PDE7B: variants seen among roughly 807,000 people sequenced by gnomAD.
The protein encoded by PDE7B is 3',5'-cyclic-AMP phosphodiesterase 7B.
PDE7B carries 29 observed loss-of-function variants against 56.2 expected under a neutral mutation model. The observed-to-expected ratio is 0.52, with a 90% CI of 0.38 to 0.70. PDE7B has a LOEUF of 0.70. Among genes scored for constraint, PDE7B ranks in the 30% least tolerant of loss-of-function variants. The pLI is 0.00. For synonymous variants in PDE7B, 197 were observed against 196.9 expected (o/e 1.00, Z 0.00); for missense variants, 490 against 565.0 (o/e 0.87, Z 1.35).
At position 136,033,875 on chromosome 6, in the gene PDE7B, C is replaced by T. The variant is rs541812671; in HGVS notation, c.83-74856C>T. ...ATTGCATTTGTAAAAGCAGAGTGGTCGTGTGTGTGCATGTGTGTGTGTGTG... is the reference window on the plus strand; with the variant it reads ...ATTGCATTTGTAAAAGCAGAGTGGTTGTGTGTGTGCATGTGTGTGTGTGTG... On this transcript the variant is annotated intron_variant, in intron 2 of 12. Transcript: ENST00000308191. Among the ~76,000 whole-genome samples, 16 of 132,682 alleles carry T rather than the reference C, an allele frequency of 1.2e-4. No individual in the cohort carries two copies. The South Asian group carries it at 3.3e-3, about 27-fold the overall frequency. The allele number at this position is 132,682 out of a possible 152,430, so 87.0% of individuals were successfully genotyped here.
intron 2 of PDE7B, among the ~76,000 whole-genome samples, chr6:136,053,619 C>T (rs940428662): frequency 1.1e-4 from 16 of 152,142 alleles, no homozygotes; most frequent in African/African-American, 1.7e-4. Flanking sequence ...TTCTAGATCC[C>T]TGAGGAATCA....
At chr6:135,881,085 T>C (rs993226597) in intron 1 of PDE7B, among the ~76,000 whole-genome samples, 1 of 152,138 alleles carries the variant, frequency 6.6e-6, no homozygotes, top group Non-Finnish European at 1.5e-5. Context: ...GTAGGCACCA[T>C]TTGCTTTTAT....
chr6:136,155,320 C>T (rs1490522044), intron 7 of PDE7B, among the ~76,000 whole-genome samples: 2 of 152,318 alleles, frequency 1.3e-5, no homozygotes, highest in Non-Finnish European at 2.9e-5. Context: ...TACCTATCCA[C>T]CCAACAGCAC....
At position 136,160,387 on chromosome 6, in the gene PDE7B, C is replaced by G. The variant is rs114638670; in HGVS notation, c.711+4629C>G. ...TTTCTCAGTCTACCTTTGGTTGATA[C>G]GAGTCACTGAGCCTCTGTGAAAGAT... On this transcript the variant is annotated intron_variant, in intron 8 of 12. Transcript: ENST00000308191. 5.9e-3 allele frequency among the ~76,000 whole-genome samples: 902 copies of G among 152,208 alleles called. 4 individuals are homozygous for G. Among genetic ancestry groups the G allele is most frequent in the African/African-American group, 0.02 (839 of 41,542 alleles).
chr6:135,967,761 G>A (rs1204022858), intron 2 of PDE7B, among the ~76,000 whole-genome samples: 1 of 152,180 alleles, frequency 6.6e-6, no homozygotes, highest in Non-Finnish European at 1.5e-5. Flanking sequence ...TGAAACTGTA[G>A]GAAAGCTCAT....
chr6:135,980,670 A>G (rs1259712234), intron 2 of PDE7B, among the ~76,000 whole-genome samples: 1 of 151,846 alleles, frequency 6.6e-6, no homozygotes, highest in Admixed American at 6.6e-5. Context: ...GCAGCCAAAA[A>G]ACACATGAAA....
intron 2 of PDE7B, among the ~76,000 whole-genome samples, chr6:136,106,701 A>C (rs1466557800): frequency 6.6e-6 from 1 of 152,192 alleles, no homozygotes; most frequent in Non-Finnish European, 1.5e-5. Context: ...TGAAGGTCCA[A>C]TGAGAAAAAA....
At chr6:135,925,627 T>C (rs1245541970) in intron 1 of PDE7B, among the ~76,000 whole-genome samples, 1 of 152,064 alleles carries the variant, frequency 6.6e-6, no homozygotes, top group African/African-American at 2.4e-5. Context: ...AATTCTGAAA[T>C]GAATACTGCG....
At chr6:136,098,850 C>T (rs569270536) in intron 2 of PDE7B, among the ~76,000 whole-genome samples, 15 of 151,988 alleles carry the variant, frequency 9.9e-5, no homozygotes, top group South Asian at 4.2e-4. Flanking sequence ...TAGTTATACA[C>T]GTACCATGTT....
chr6:135,884,384 T>A (rs909511839), intron 1 of PDE7B, among the ~76,000 whole-genome samples: 1 of 152,246 alleles, frequency 6.6e-6, no homozygotes. Context: ...AGGTTCTTTC[T>A]TCTAGTCATC....
intron 2 of PDE7B, among the ~76,000 whole-genome samples, chr6:136,013,610 G>C (rs1775928996): frequency 6.6e-6 from 1 of 152,214 alleles, no homozygotes; most frequent in South Asian, 2.1e-4. Context: ...TGGAACATAA[G>C]AGCAAACTCA....
chr6:135,867,663 G>A (rs142866165), intron 1 of PDE7B, among the ~76,000 whole-genome samples: 10 of 152,164 alleles, frequency 6.6e-5, no homozygotes, highest in African/African-American at 9.6e-5. Flanking sequence ...ACTCTTCTCC[G>A]TTGATAATAT....
chr6:136,178,994 C>T lies in PDE7B; in HGVS notation c.804-3C>T. On this transcript the variant is annotated splice_region_variant and splice_polypyrimidine_tract_variant and intron_variant, in intron 9 of 12. Coordinates refer to ENST00000308191, the MANE Select transcript of PDE7B (RefSeq NM_018945.4). ...TTTTTCTCTTTCATTCTTGTGGATG[C>T]AGACAGGATATTGAACAGCAGCTGG... The T allele has an allele frequency of 2.5e-6, 4 of 1,613,972 alleles. No individual in the cohort carries two copies.
intron 1 of PDE7B, among the ~76,000 whole-genome samples, chr6:135,863,736 T>TA: frequency 6.6e-6 from 1 of 151,356 alleles, no homozygotes; most frequent in African/African-American, 2.4e-5. Context: ...GGGCTGATAC[T>TA]AAAATCTATA....
At chr6:135,870,548 C>T (rs1032101127) in intron 1 of PDE7B, among the ~76,000 whole-genome samples, 1 of 150,692 alleles carries the variant, frequency 6.6e-6, no homozygotes, top group Non-Finnish European at 1.5e-5. Flanking sequence ...GTACATATCA[C>T]CTAAATAAAC....
chr6:135,942,163 G>T (rs1774516512), intron 1 of PDE7B, among the ~76,000 whole-genome samples: 1 of 151,988 alleles, frequency 6.6e-6, no homozygotes, highest in Non-Finnish European at 1.5e-5. Flanking sequence ...ATACTTAAGG[G>T]TGATTTTAAA....
At chr6:136,178,498 GAAGTTCCAGAA>G (rs1187083443) in intron 9 of PDE7B, among the ~76,000 whole-genome samples, 9 of 152,110 alleles carry the variant, frequency 5.9e-5, no homozygotes, top group Non-Finnish European at 1.3e-4. Flanking sequence ...TTTTGTGTTT[GAAGTTCCAGAA>G]TCTCTTCCTG....
chr6:135,984,861 G>A (rs1168957235), intron 2 of PDE7B, among the ~76,000 whole-genome samples: 8 of 152,008 alleles, frequency 5.3e-5, no homozygotes, highest in Non-Finnish European at 1.2e-4. Flanking sequence ...AGAGCTCAGA[G>A]CTTAGAGCTG....
intron 2 of PDE7B, among the ~76,000 whole-genome samples, chr6:136,036,943 G>C (rs912450416): frequency 2.6e-5 from 4 of 152,178 alleles, no homozygotes; most frequent in Non-Finnish European, 2.9e-5. Context: ...TTCTGTCCAA[G>C]GCCTTTCACA....
Sources: allele counts gnomAD v4.1 joint callset (sites outside exome capture counted in the v4.1 genomes callset), GRCh38; gene constraint gnomAD v4.1.1; transcripts MANE v1.5; gene names NCBI Gene and HGNC (gene_info 2026-07-23, HGNC 2026-07-21).